The following CDC27 variants were observed in gnomAD, a reference collection of about 807,000 sequenced individuals.
The protein encoded by CDC27 is cell division cycle 27.
CDC27 carries 27 observed loss-of-function variants against 109.7 expected under a neutral mutation model. The ratio of observed to expected loss-of-function variants is 0.25; its 90% CI spans 0.18 to 0.34. The LOEUF (loss-of-function observed/expected upper bound fraction) is 0.34, where lower values mean the gene tolerates loss of function less well. Ranked by LOEUF, CDC27 falls within the 10% of genes least tolerant of loss-of-function variation. The pLI is 1.00. For missense variants in CDC27, 579 were observed against 960.2 expected, an observed-to-expected ratio of 0.60 and a Z score of 5.25; for synonymous variants, 266 against 333.9, an observed-to-expected ratio of 0.80 and a Z score of 2.22.
At chr17:47,186,665 A>T (rs2064449579) in intron 1 of CDC27, among the ~76,000 whole-genome samples, 1 of 152,212 alleles carries the variant, frequency 6.6e-6, no homozygotes, top group Non-Finnish European at 1.5e-5. Flanking sequence ...TCAAATATAA[A>T]GTAATACTCT....
chr17:47,144,871 T>TCACACACACACACA (rs35160918), intron 9 of CDC27, among the ~76,000 whole-genome samples: 42 of 149,988 alleles, frequency 2.8e-4, no homozygotes, highest in Non-Finnish European at 4.3e-4. Flanking sequence ...TGTGTGTATA[T>TCACACACACACACA]CACACACACA....
intron 3 of CDC27, 40 bp downstream of exon 3, chr17:47,171,877 T>C: frequency 1.4e-6 from 2 of 1,429,590 alleles, no homozygotes; most frequent in Non-Finnish European, 1.9e-6. Context: ...TTCAACAGTG[T>C]AAGTAAAACA....
rs527713348 is a variant in CDC27, at chr17:47,120,908, C to A, written c.*27G>T. 5 of 1,528,586 alleles carry A rather than the reference C, an allele frequency of 3.3e-6. No homozygotes were observed. The African/African-American group carries it at 6.8e-5, about 21-fold the overall frequency. The allele number at this position is 1,528,586 out of a possible 1,614,324, so 94.7% of individuals were successfully genotyped here. ...AACACGTCAGCACTAGTCACACATC[C>A]AGTTGTAAAAGTCTGATTTCCAGAA... On this transcript the variant is annotated 3_prime_UTR_variant, in exon 19 of 19. Coordinates refer to ENST00000066544, the MANE Select transcript of CDC27 (RefSeq NM_001256.6).
intron 4 of CDC27, among the ~76,000 whole-genome samples, chr17:47,160,227 C>CTTT (rs759655850): frequency 2.2e-5 from 3 of 135,670 alleles, no homozygotes; most frequent in African/African-American, 2.7e-5. Flanking sequence ...GCCTCTCTAG[C>CTTT]TTTTTTTTTT....
intron 16 of CDC27, among the ~76,000 whole-genome samples, chr17:47,127,657 T>C (rs2062186354): frequency 6.6e-6 from 1 of 152,000 alleles, no homozygotes; most frequent in Non-Finnish European, 1.5e-5. Context: ...CGCCCCAGCC[T>C]CCCAAAGGGC....
chr17:47,183,790 C>T (rs1598616732), intron 1 of CDC27, among the ~76,000 whole-genome samples: 2 of 152,242 alleles, frequency 1.3e-5, no homozygotes, highest in Non-Finnish European at 2.9e-5. Flanking sequence ...GCTTTTAAAG[C>T]AGGTGCTTAT....
In CDC27 at chr17:47,118,580, C is replaced by T. The variant is rs1014580682; in HGVS notation, c.*2355G>A. 6.6e-6 allele frequency: 1 copy of T among 152,452 alleles called. No homozygotes were observed. Among genetic ancestry groups the T allele is most frequent in the Non-Finnish European group, 1.5e-5 (1 of 68,012 alleles). 9.4% of individuals were successfully genotyped at this position (152,452 alleles called of 1,614,324 possible). A position where few individuals can be genotyped will look rare whatever the true frequency, so the allele number is the denominator to read the frequency against. Reference sequence around the variant, plus strand: ...GCAAAAACCACAATTACTTATGCACCAACCTAATATATGTGTGAAACAGAG... The same window carrying T: ...GCAAAAACCACAATTACTTATGCACTAACCTAATATATGTGTGAAACAGAG... On this transcript the variant is annotated 3_prime_UTR_variant, in exon 19 of 19. Coordinates refer to ENST00000066544, the MANE Select transcript of CDC27 (RefSeq NM_001256.6).
At position 47,121,189 on chromosome 17, in the gene CDC27, A is replaced by G. The variant is rs11570574; in HGVS notation, c.2393-172T>C. Among the ~76,000 whole-genome samples, 930 of 152,304 alleles carry G rather than the reference A, an allele frequency of 6.1e-3. 18 individuals are homozygous for G. The highest frequency in any genetic ancestry group is 0.021 in the African/African-American group (890 of 41,578). ...AATGCAACTCAAGTTTCCTAACTTT[A>G]TAATAGGTCTGATATTAGCTTACTG... On this transcript the variant is annotated intron_variant, in intron 18 of 18. Transcript: ENST00000066544.
chr17:47,187,433 T>G (rs1466559903), intron 1 of CDC27, among the ~76,000 whole-genome samples: 3 of 152,098 alleles, frequency 2.0e-5, no homozygotes, highest in Non-Finnish European at 4.4e-5. Context: ...CCCAAGTAGC[T>G]GGGATTACAG....
At chr17:47,145,082 T>C (rs1018189778) in intron 9 of CDC27, among the ~76,000 whole-genome samples, 2 of 152,216 alleles carry the variant, frequency 1.3e-5, no homozygotes, top group Non-Finnish European at 2.9e-5. Context: ...AGACTTCCGC[T>C]AGTCATGACA....
chr17:47,124,673 G>A (rs1464792628), intron 16 of CDC27, among the ~76,000 whole-genome samples: 1 of 152,148 alleles, frequency 6.6e-6, no homozygotes, highest in African/African-American at 2.4e-5. Flanking sequence ...ATTTTTGCAA[G>A]TCTCTGTTAG....
At chr17:47,142,750 C>T (rs371956906) in intron 10 of CDC27, among the ~76,000 whole-genome samples, 8 of 152,098 alleles carry the variant, frequency 5.3e-5, no homozygotes, top group African/African-American at 1.2e-4. Context: ...CTCAGCTCAC[C>T]GCAACCCAAC....
At chr17:47,126,350 G>A (rs765363744) in intron 16 of CDC27, among the ~76,000 whole-genome samples, 8 of 152,004 alleles carry the variant, frequency 5.3e-5, no homozygotes, top group African/African-American at 1.2e-4. Context: ...ATAATTCAGC[G>A]AAGCCCCAAG....
chr17:47,180,888 T>A (rs930457002), intron 2 of CDC27, among the ~76,000 whole-genome samples: 1 of 148,156 alleles, frequency 6.7e-6, no homozygotes, highest in African/African-American at 2.5e-5. Flanking sequence ...TAGGATTTGT[T>A]CCAAGGCTAT....
At position 47,167,111 on chromosome 17, in the gene CDC27, TCC is replaced by T. The variant is rs1235797793; in HGVS notation, c.377+2804_377+2805del. Among the ~76,000 whole-genome samples the T allele has an allele frequency of 2.0e-5, 3 of 152,366 alleles. No homozygotes were observed. In the East Asian group the frequency reaches 5.8e-4, roughly 29 times the overall value. Reference sequence around the variant, plus strand: ...CTCAGGTGATCCACCCACCTTGGCCTCCCAAAGGGCTGGGATTACAGGCGTGA... The same window carrying T: ...CTCAGGTGATCCACCCACCTTGGCCTCAAAGGGCTGGGATTACAGGCGTGA... On this transcript the variant is annotated intron_variant, in intron 4 of 18. Transcript: ENST00000066544.
intron 2 of CDC27, among the ~76,000 whole-genome samples, chr17:47,178,973 G>C (rs1296822746): frequency 6.6e-6 from 1 of 152,032 alleles, no homozygotes; most frequent in Non-Finnish European, 1.5e-5. Flanking sequence ...GGCTAATTTT[G>C]TATTTTTTAG....
chr17:47,126,982 C>G (rs113425487), intron 16 of CDC27, among the ~76,000 whole-genome samples: 3 of 151,990 alleles, frequency 2.0e-5, no homozygotes, highest in African/African-American at 7.3e-5. Flanking sequence ...TCAGTAGAGA[C>G]AGGGTTTCAC....
At chr17:47,164,039 T>C (rs550462707) in intron 4 of CDC27, among the ~76,000 whole-genome samples, 209 of 152,304 alleles carry the variant, frequency 1.4e-3, no homozygotes, top group African/African-American at 4.7e-3. Flanking sequence ...GCTGGGATTA[T>C]AGGTGTGAGC....
intron 7 of CDC27, chr17:47,154,988 C>A (rs560281564): frequency 4.8e-5 from 19 of 400,000 alleles, no homozygotes; most frequent in Middle Eastern, 1.3e-3. Context: ...AGCTATCAAA[C>A]AAGGAACTAA....
Sources: allele counts gnomAD v4.1 joint callset (sites outside exome capture counted in the v4.1 genomes callset), GRCh38; gene constraint gnomAD v4.1.1; transcripts MANE v1.5; gene names NCBI Gene and HGNC (gene_info 2026-07-23, HGNC 2026-07-21).